SMYD3: variants seen among roughly 807,000 people sequenced by gnomAD.
SMYD3 encodes the protein histone-lysine N-methyltransferase SMYD3.
In SMYD3, 36 loss-of-function variants were observed where a neutral mutation model predicts 57.7. That is an observed-to-expected ratio of 0.62 (90% CI 0.48 to 0.82). The LOEUF (loss-of-function observed/expected upper bound fraction) is 0.82. SMYD3 is among the 40% of genes least tolerant of loss of function. The probability of loss-of-function intolerance (pLI) is 0.00; values close to 1 mark genes in which losing one functional copy is unlikely to be tolerated. For missense variants in SMYD3, 515 were observed against 538.8 expected (o/e 0.96, Z 0.44); for synonymous variants, 211 against 195.0 (o/e 1.08, Z -0.68).
At chr1:246,169,381 CAAAAAAA>C (rs55719556) in intron 5 of SMYD3, among the ~76,000 whole-genome samples, 4 of 61,890 alleles carry the variant, frequency 6.5e-5, no homozygotes, top group African/African-American at 2.6e-4. Flanking sequence ...GACTTTCTTT[CAAAAAAA>C]AAAAAAAAAA....
intron 1 of SMYD3, among the ~76,000 whole-genome samples, chr1:246,480,162 T>A (rs768075864): frequency 4.6e-5 from 7 of 152,144 alleles, no homozygotes; most frequent in Non-Finnish European, 1.0e-4. Context: ...ATGCAACCAT[T>A]TTACATTCAC....
At chr1:246,058,316 T>C (rs1407798609) in intron 5 of SMYD3, among the ~76,000 whole-genome samples, 1 of 152,100 alleles carries the variant, frequency 6.6e-6, no homozygotes, top group Non-Finnish European at 1.5e-5. Flanking sequence ...GCTGTGTGTT[T>C]TGTGTTGGAG....
chr1:245,879,161 C>T (rs911378009), intron 8 of SMYD3, among the ~76,000 whole-genome samples: 2 of 152,122 alleles, frequency 1.3e-5, no homozygotes, highest in South Asian at 2.1e-4. Flanking sequence ...GCTTGACAGT[C>T]GCTTAGGTTC....
At chr1:246,401,942 G>C (rs569751673) in intron 1 of SMYD3, among the ~76,000 whole-genome samples, 1 of 152,040 alleles carries the variant, frequency 6.6e-6, no homozygotes, top group African/African-American at 2.4e-5. Context: ...GGCTGGTCTC[G>C]AACTCCCGAC....
chr1:245,893,979 A>C (rs533860945), intron 8 of SMYD3, among the ~76,000 whole-genome samples: 1 of 152,360 alleles, frequency 6.6e-6, no homozygotes, highest in Admixed American at 6.5e-5. Flanking sequence ...AACGGCAGTA[A>C]GAGTAACCCT....
At chr1:246,337,547 T>G (rs943321518) in intron 2 of SMYD3, among the ~76,000 whole-genome samples, 3 of 152,176 alleles carry the variant, frequency 2.0e-5, no homozygotes, top group Non-Finnish European at 4.4e-5. Context: ...CCTTTGATTA[T>G]AGAAGTTGAG....
intron 5 of SMYD3, among the ~76,000 whole-genome samples, chr1:246,054,181 T>A (rs530805308): frequency 6.6e-6 from 1 of 152,120 alleles, no homozygotes; most frequent in East Asian, 1.9e-4. Context: ...AGCAGTAGCA[T>A]TAACTAATTA....
At chr1:246,027,330 C>T (rs2059593215) in intron 5 of SMYD3, among the ~76,000 whole-genome samples, 1 of 152,036 alleles carries the variant, frequency 6.6e-6, no homozygotes, top group Non-Finnish European at 1.5e-5. Flanking sequence ...GTAGATGAAA[C>T]CGCCTTATAT....
chr1:245,955,112 G>C (rs1037206053), intron 5 of SMYD3, among the ~76,000 whole-genome samples: 1 of 151,878 alleles, frequency 6.6e-6, no homozygotes, highest in Non-Finnish European at 1.5e-5. Flanking sequence ...TTTTGTTTTT[G>C]TTTGAGTCTC....
chr1:245,774,845 G>GGC (rs1248194058), intron 10 of SMYD3, among the ~76,000 whole-genome samples: 1 of 152,096 alleles, frequency 6.6e-6, no homozygotes. Flanking sequence ...CGATTGCAGG[G>GGC]GTGCACCGCC....
intron 5 of SMYD3, among the ~76,000 whole-genome samples, chr1:246,037,410 C>T (rs2059795767): frequency 6.6e-6 from 1 of 152,210 alleles, no homozygotes; most frequent in South Asian, 2.1e-4. Flanking sequence ...AAGCTCACCC[C>T]TGAGGACAGC....
At chr1:246,303,688 T>C (rs1269231643) in intron 5 of SMYD3, among the ~76,000 whole-genome samples, 1 of 152,208 alleles carries the variant, frequency 6.6e-6, no homozygotes, top group Non-Finnish European at 1.5e-5. Flanking sequence ...TGTACAGCGA[T>C]AAAGTACTTA....
chr1:246,404,176 C>G (rs1161705962), intron 1 of SMYD3, among the ~76,000 whole-genome samples: 1 of 152,102 alleles, frequency 6.6e-6, no homozygotes, highest in African/African-American at 2.4e-5. Context: ...TTACACATAC[C>G]CTGGTGGCCA....
chr1:245,840,869 T>G (rs964201469), intron 10 of SMYD3, among the ~76,000 whole-genome samples: 1 of 152,174 alleles, frequency 6.6e-6, no homozygotes, highest in African/African-American at 2.4e-5. Context: ...GCCAAACTTT[T>G]TTTTTCAACT....
intron 1 of SMYD3, among the ~76,000 whole-genome samples, chr1:246,430,572 A>G (rs1305670462): frequency 6.6e-6 from 1 of 152,224 alleles, no homozygotes; most frequent in Non-Finnish European, 1.5e-5. Context: ...AGGTTGGAGA[A>G]GAATCCCTAA....
intron 8 of SMYD3, among the ~76,000 whole-genome samples, chr1:245,907,255 G>C (rs2054631604): frequency 6.6e-6 from 1 of 152,122 alleles, no homozygotes; most frequent in Non-Finnish European, 1.5e-5. Context: ...AATGCTTGAG[G>C]GGATGGATAC....
At chr1:246,204,155 C>T (rs1206367237) in intron 5 of SMYD3, among the ~76,000 whole-genome samples, 1 of 152,138 alleles carries the variant, frequency 6.6e-6, no homozygotes, top group Non-Finnish European at 1.5e-5. Flanking sequence ...ATAATAAAAA[C>T]AGAAACTCCC....
At chr1:245,796,445 C>T (rs1439607580) in intron 10 of SMYD3, among the ~76,000 whole-genome samples, 1 of 151,830 alleles carries the variant, frequency 6.6e-6, no homozygotes, top group African/African-American at 2.4e-5. Flanking sequence ...CCTGCCAGGA[C>T]CTACTTTAAT....
chr1:246,161,221 G>A (rs2062114534), intron 5 of SMYD3, among the ~76,000 whole-genome samples: 2 of 152,170 alleles, frequency 1.3e-5, no homozygotes, highest in Admixed American at 6.6e-5. Flanking sequence ...ATGACAGACT[G>A]TCTTTGCTGT....
Sources: gnomAD v4.1 joint callset for allele counts (sites outside exome capture counted in the v4.1 genomes callset) on GRCh38, gnomAD v4.1.1 for gene constraint, MANE v1.5 for transcripts, NCBI Gene and HGNC (gene_info 2026-07-23, HGNC 2026-07-21) for gene names.